The following GDPD4 variants were observed in gnomAD, a reference collection of about 807,000 sequenced individuals.
GDPD4 encodes the protein glycerophosphodiester phosphodiesterase domain containing 4, also known as glycerophosphodiester phosphodiesterase 6.
Under a neutral mutation model 67.8 loss-of-function variants are expected in GDPD4, and 60 were observed. That is an observed-to-expected ratio of 0.88 (90% CI 0.72 to 1.10). The LOEUF (loss-of-function observed/expected upper bound fraction) is 1.10. GDPD4 is among the 50% of genes least tolerant of loss of function. The pLI is 0.00. For synonymous variants in GDPD4, 212 were observed against 210.9 expected, an observed-to-expected ratio of 1.00 and a Z score of -0.04; for missense variants, 623 against 613.9, an observed-to-expected ratio of 1.01 and a Z score of -0.16.
rs966126546 is a variant in GDPD4, at chr11:77,217,138, C to A, written c.*139G>T. 1 of 747,644 alleles carries A rather than the reference C, an allele frequency of 1.3e-6. No individual in the cohort carries two copies. Among genetic ancestry groups the A allele is most frequent in the South Asian group, 1.4e-5 (1 of 70,484 alleles). 46.3% of individuals were successfully genotyped at this position (747,644 alleles called of 1,614,324 possible). ...CAGCATTCTTGATAGGTAGTAGTTTCTTGGATGGTGCTGCAAAATTGAAAT... is the reference window on the plus strand; with the variant it reads ...CAGCATTCTTGATAGGTAGTAGTTTATTGGATGGTGCTGCAAAATTGAAAT... On this transcript the variant is annotated 3_prime_UTR_variant, in exon 17 of 17. Coordinates refer to ENST00000315938, the MANE Select transcript of GDPD4 (RefSeq NM_182833.3).
chr11:77,280,228 C>T (rs1959698168), intron 3 of GDPD4, among the ~76,000 whole-genome samples: 1 of 151,578 alleles, frequency 6.6e-6, no homozygotes, highest in African/African-American at 2.4e-5. Context: ...ACAAATGAAC[C>T]CTATGAGCCA....
At chr11:77,228,189 C>T (rs1460904452) in intron 15 of GDPD4, among the ~76,000 whole-genome samples, 3 of 151,586 alleles carry the variant, frequency 2.0e-5, no homozygotes, top group Admixed American at 1.3e-4. Context: ...CCCATCTCTA[C>T]TAAAAATACA....
intron 14 of GDPD4, among the ~76,000 whole-genome samples, chr11:77,230,193 G>A (rs1958426953): frequency 6.6e-6 from 1 of 152,040 alleles, no homozygotes; most frequent in South Asian, 2.1e-4. Context: ...GAAAAATATT[G>A]ACTGAGGGCT....
At chr11:77,293,130 A>G (rs1398469774) in intron 1 of GDPD4, among the ~76,000 whole-genome samples, 1 of 152,240 alleles carries the variant, frequency 6.6e-6, no homozygotes, top group African/African-American at 2.4e-5. Context: ...TTTCCAAATC[A>G]TTTCATATGA....
rs1308459541 is a variant in GDPD4, at chr11:77,279,343, A to G, written c.110T>C (p.Leu37Ser). The stretch of plus-strand genomic sequence containing the variant: ...AGAGTAGGCAGTCAGGATCCTAGCT[A>G]AACTCAGAATAAAAATAGACCAGAA... ...WFFWSIFILS[L>S]ARILTAYSSL... Residue 37 changes from leucine (L) to serine (S), a missense_variant, in exon 4 of 17, where the codon TTA (leucine) becomes TCA (serine). Physicochemically the swap from Leu to Ser is moderately radical, Grantham distance 145. Coordinates refer to ENST00000315938, the MANE Select transcript of GDPD4 (RefSeq NM_182833.3). 2.5e-6 allele frequency: 4 copies of G among 1,612,766 alleles called. No individual in the cohort carries two copies. Among genetic ancestry groups the G allele is most frequent in the Non-Finnish European group, 2.5e-6 (3 of 1,178,866 alleles).
intron 3 of GDPD4, among the ~76,000 whole-genome samples, chr11:77,279,751 C>T (rs1407841823): frequency 2.6e-5 from 4 of 152,074 alleles, no homozygotes; most frequent in Middle Eastern, 3.4e-3. Flanking sequence ...AAAACTAATA[C>T]TTTACACTTT....
chr11:77,299,195 C>T lies in GDPD4; in HGVS notation c.-254+2410G>A, dbSNP rs530434488. ...ACACCAACCACCCCACAGCTTCTCACCAGCCCCATAGAATACCATCAGCAT... is the reference window on the plus strand; with the variant it reads ...ACACCAACCACCCCACAGCTTCTCATCAGCCCCATAGAATACCATCAGCAT... On this transcript the variant is annotated intron_variant, in intron 1 of 16. Transcript: ENST00000315938. 6.6e-5 allele frequency among the ~76,000 whole-genome samples: 10 copies of T among 152,272 alleles called. No individual in the cohort carries two copies. The South Asian group carries it at 1.2e-3, about 19-fold the overall frequency.
intron 13 of GDPD4, among the ~76,000 whole-genome samples, chr11:77,241,703 G>C (rs1225765356): frequency 1.4e-5 from 2 of 146,464 alleles, no homozygotes; most frequent in Non-Finnish European, 3.0e-5. Context: ...CCAACACTTT[G>C]GGATGCCGAG....
intron 12 of GDPD4, among the ~76,000 whole-genome samples, chr11:77,244,911 A>G (rs146829930): frequency 1.3e-5 from 2 of 152,316 alleles, no homozygotes; most frequent in Non-Finnish European, 1.5e-5. Flanking sequence ...TCTCCTTTCT[A>G]TATCATTCAT....
At chr11:77,283,570 C>T (rs1565542474) in intron 3 of GDPD4, among the ~76,000 whole-genome samples, 1 of 151,862 alleles carries the variant, frequency 6.6e-6, no homozygotes, top group African/African-American at 2.4e-5. Flanking sequence ...AATACAATTC[C>T]TGTGGAATAA....
At position 77,255,365 on chromosome 11, in the gene GDPD4, G is replaced by A. The variant is rs370917615; in HGVS notation, c.864+3021C>T. Among the ~76,000 whole-genome samples the A allele has an allele frequency of 1.9e-4, 29 of 152,172 alleles. No homozygotes were observed. In the East Asian group the frequency reaches 2.9e-3, roughly 15 times the overall value. On this transcript the variant is annotated intron_variant, in intron 11 of 16. Coordinates refer to ENST00000315938, the MANE Select transcript of GDPD4 (RefSeq NM_182833.3). Reference sequence around the variant, plus strand: ...GTGGATCACCTGAGGTTAGGAGTTCGAGGCCAGCCTGGTCAACATGGTGAA... The same window carrying A: ...GTGGATCACCTGAGGTTAGGAGTTCAAGGCCAGCCTGGTCAACATGGTGAA...
chr11:77,260,177 C>T (rs543604462), intron 10 of GDPD4, among the ~76,000 whole-genome samples: 1 of 152,044 alleles, frequency 6.6e-6, no homozygotes, highest in Non-Finnish European at 1.5e-5. Context: ...CATGGTGGTA[C>T]ACGCCTGTAG....
intron 13 of GDPD4, among the ~76,000 whole-genome samples, chr11:77,243,413 G>A (rs1326737570): frequency 1.3e-5 from 2 of 150,848 alleles, no homozygotes; most frequent in South Asian, 2.1e-4. Context: ...GAAATGCCAA[G>A]CATACAAAAA....
Position 77,229,173 on chromosome 11 carries a change from A to G in GDPD4, c.1449T>C (p.Ile483=). ...LLADIISVLF[I]VAIFCFHWRR... is the part of the protein sequence containing the mutation. ...ACCAGTGAAAACAAAATATGGCAACAATAAAAAGCACAGAAATGATATCTG... is the reference window on the plus strand; with the variant it reads ...ACCAGTGAAAACAAAATATGGCAACGATAAAAAGCACAGAAATGATATCTG... The change falls in exon 15 of 17, where the codon ATT becomes ATC. Residue 483 remains isoleucine, a synonymous_variant. Coordinates refer to ENST00000315938, the MANE Select transcript of GDPD4 (RefSeq NM_182833.3). The G allele has an allele frequency of 6.2e-7, 1 of 1,603,526 alleles. No individual in the cohort carries two copies. The highest frequency in any genetic ancestry group is 8.5e-7 in the Non-Finnish European group (1 of 1,172,728).
intron 16 of GDPD4, among the ~76,000 whole-genome samples, chr11:77,223,331 A>C (rs1431569933): frequency 6.6e-6 from 1 of 151,848 alleles, no homozygotes; most frequent in Non-Finnish European, 1.5e-5. Context: ...GGTTTTATCT[A>C]CCCTTGGTCT....
chr11:77,268,990 G>A lies in GDPD4; in HGVS notation c.558C>T (p.Pro186=). 1 of 1,613,762 alleles carries A rather than the reference G, an allele frequency of 6.2e-7. No individual in the cohort carries two copies. Among genetic ancestry groups the A allele is most frequent in the Non-Finnish European group, 8.5e-7 (1 of 1,179,720 alleles). ...LYLMPLGIYS[P]CIQEKENLGP... Reference sequence around the variant, plus strand: ...CCAAATTCTCCTTCTCCTGAATGCAGGGAGAATAAATCCCCAGTGGCATCA... The same window carrying A: ...CCAAATTCTCCTTCTCCTGAATGCAAGGAGAATAAATCCCCAGTGGCATCA... Residue 186 remains proline (P), a synonymous_variant, in exon 9 of 17, where the codon CCC becomes CCT. Transcript: ENST00000315938.
chr11:77,246,501 G>A (rs1958787839), intron 11 of GDPD4, among the ~76,000 whole-genome samples: 1 of 152,184 alleles, frequency 6.6e-6, no homozygotes, highest in East Asian at 1.9e-4. Flanking sequence ...ATTTGGACAT[G>A]TCTTAGTACA....
chr11:77,258,307 G>T, intron 11 of GDPD4, 79 bp downstream of exon 11: 6 of 1,350,396 alleles, frequency 4.4e-6, no homozygotes, highest in Non-Finnish European at 5.3e-6. Context: ...CTTCATCTAT[G>T]GCCTTTATTT....
At chr11:77,286,113 C>T (rs979374694) in intron 2 of GDPD4, among the ~76,000 whole-genome samples, 2 of 152,112 alleles carry the variant, frequency 1.3e-5, no homozygotes, top group Non-Finnish European at 2.9e-5. Flanking sequence ...TCTTCACATT[C>T]ATATCCTCTC....
Sources: allele counts gnomAD v4.1 joint callset (sites outside exome capture counted in the v4.1 genomes callset), GRCh38; gene constraint gnomAD v4.1.1; transcripts MANE v1.5; gene names NCBI Gene and HGNC (gene_info 2026-07-23, HGNC 2026-07-21).